The following UBA5 variants were observed in gnomAD, a reference collection of about 807,000 sequenced individuals.
UBA5 encodes the protein ubiquitin-like modifier-activating enzyme 5.
A neutral mutation model predicts 52.9 loss-of-function variants in UBA5; 28 were observed. That is an observed-to-expected ratio of 0.53 (90% confidence interval 0.39 to 0.73). The LOEUF (loss-of-function observed/expected upper bound fraction) is 0.73. UBA5 is among the 30% of genes least tolerant of loss of function. UBA5 has a pLI of 0.00. For missense variants in UBA5, 388 were observed against 492.7 expected (o/e 0.79, Z 2.01); for synonymous variants, 135 against 162.1 (o/e 0.83, Z 1.27).
At position 132,660,454 on chromosome 3, in the gene UBA5, C is replaced by G; in HGVS notation, c.-84C>G. 6.6e-7 allele frequency: 1 copy of G among 1,509,340 alleles called. No individual in the cohort carries two copies. The highest frequency in any genetic ancestry group is 1.4e-5 in the African/African-American group (1 of 72,464). 93.5% of individuals were successfully genotyped at this position (1,509,340 alleles called of 1,614,324 possible). A position where few individuals can be genotyped will look rare whatever the true frequency, so the allele number is the denominator to read the frequency against. Reference sequence around the variant, plus strand: ...AGCGGCGAGGTGCCTCCCCACGTACCCCTCGCGGGCCCAGCCGAGCAACGT... The same window carrying G: ...AGCGGCGAGGTGCCTCCCCACGTACGCCTCGCGGGCCCAGCCGAGCAACGT... On this transcript the variant is annotated 5_prime_UTR_variant, in exon 1 of 12. Transcript: ENST00000356232. The surrounding 1 kb of genome is among the most constrained non-coding windows in gnomAD (Gnocchi z 4.1).
intron 6 of UBA5, 54 bp from the exon 7 acceptor site, chr3:132,671,723 T>C: frequency 7.2e-7 from 1 of 1,393,438 alleles, no homozygotes; most frequent in Non-Finnish European, 1.0e-6. Context: ...TTATTGTAAA[T>C]TACTTCTTGC....
upstream of UBA5, chr3:132,659,323 G>A (rs934028823): frequency 9.5e-6 from 4 of 422,480 alleles, no homozygotes; most frequent in Non-Finnish European, 1.7e-5. Flanking sequence ...TAATTGCCTT[G>A]GTGAATCCTC....
chr3:132,677,680 A>C lies in UBA5; in HGVS notation c.*1154A>C, dbSNP rs1334939982. On this transcript the variant is annotated 3_prime_UTR_variant, in exon 12 of 12. Coordinates refer to ENST00000356232, the MANE Select transcript of UBA5 (RefSeq NM_024818.6). ...ATTTCCTATTTTGATTTTTACTTTG[A>C]AGATAGGAATATCTAAATTATATCT... 1 of 152,198 alleles carries C rather than the reference A, an allele frequency of 6.6e-6. No homozygotes were observed. Among genetic ancestry groups the C allele is most frequent in the African/African-American group, 2.4e-5 (1 of 41,462 alleles). The allele number at this position is 152,198 out of a possible 1,614,324, so 9.4% of individuals were successfully genotyped here.
chr3:132,654,589 T>C (rs572843566), exon 1 of UBA5: 1 of 152,338 alleles, frequency 6.6e-6, no homozygotes, highest in African/African-American at 2.4e-5. Context: ...GCCTGCAGAA[T>C]CTCTGCCCAT....
chr3:132,676,812 TG>T lies in UBA5; in HGVS notation c.*291del, dbSNP rs1339681607. On this transcript the variant is annotated 3_prime_UTR_variant, in exon 12 of 12. Transcript: ENST00000356232. This position sits in a 1 kb window ranked among gnomAD's most constrained non-coding sequence, Gnocchi z 4.1. ...GTTGAAATGTTTTGGCCTTTTGGAG[TG>T]GGGGAAGGACAAATCTGATCCTGTA... The T allele has an allele frequency of 2.9e-5, 14 of 487,460 alleles. No individual in the cohort carries two copies. In the Admixed American group the frequency reaches 3.2e-4, roughly 11 times the overall value. 30.2% of individuals were successfully genotyped at this position (487,460 alleles called of 1,614,324 possible). A position where few individuals can be genotyped will look rare whatever the true frequency, so the allele number is the denominator to read the frequency against.
Position 132,676,909 on chromosome 3 carries a change from T to C in UBA5, c.*383T>C. 2.2e-6 allele frequency: 1 copy of C among 456,556 alleles called. No individual in the cohort carries two copies. Among genetic ancestry groups the C allele is most frequent in the South Asian group, 1.6e-5 (1 of 64,480 alleles). 28.3% of individuals were successfully genotyped at this position (456,556 alleles called of 1,614,324 possible). ...TGGACAATAAAGTAGTATATGATCC[T>C]CAGATACAGGGAGAAGGACAAGGCA... On this transcript the variant is annotated 3_prime_UTR_variant, in exon 12 of 12. Coordinates refer to ENST00000356232, the MANE Select transcript of UBA5 (RefSeq NM_024818.6). The surrounding 1 kb of genome is among the most constrained non-coding windows in gnomAD (Gnocchi z 4.1).
upstream of UBA5, among the ~76,000 whole-genome samples, chr3:132,656,017 G>A (rs1445591398): frequency 1.3e-5 from 2 of 152,140 alleles, no homozygotes; most frequent in Non-Finnish European, 2.9e-5. Flanking sequence ...GAAAATTACT[G>A]TCTTTGAAAC....
rs1437270161 is a variant in UBA5 at position 132,678,838 on chromosome 3, C to T, written c.*2312C>T. Among the ~76,000 whole-genome samples, 2 of 151,638 alleles carry T rather than the reference C, an allele frequency of 1.3e-5. No homozygotes were observed. The highest frequency in any genetic ancestry group is 4.8e-5 in the African/African-American group (2 of 41,374). On this transcript the variant is annotated 3_prime_UTR_variant, in exon 12 of 12. Transcript: ENST00000356232. Reference sequence around the variant, plus strand: ...CTAATTTTTGTATTTTTAGTAGAGGCGAGGTTTCACCATGTTGGCCAGGCT... The same window carrying T: ...CTAATTTTTGTATTTTTAGTAGAGGTGAGGTTTCACCATGTTGGCCAGGCT...
At chr3:132,674,436 C>A (rs1938742667) in intron 8 of UBA5, among the ~76,000 whole-genome samples, 1 of 152,146 alleles carries the variant, frequency 6.6e-6, no homozygotes, top group Non-Finnish European at 1.5e-5. Context: ...GCCTGTAATC[C>A]CAACAATTTG....
upstream of UBA5, among the ~76,000 whole-genome samples, chr3:132,655,489 T>G (rs1576629279): frequency 1.3e-5 from 2 of 152,220 alleles, no homozygotes; most frequent in Non-Finnish European, 2.9e-5. Context: ...CTCAACACAC[T>G]GGGCACACAT....
chr3:132,672,056 C>G lies in UBA5; in HGVS notation c.691C>G (p.Pro231Ala). The G allele has an allele frequency of 1.9e-6, 3 of 1,613,434 alleles. No homozygotes were observed. The highest frequency in any genetic ancestry group is 2.5e-6 in the Non-Finnish European group (3 of 1,179,776). Residue 231 changes from proline to alanine, a missense_variant, in exon 8 of 12, where the codon CCA (proline) becomes GCA (alanine). Physicochemically the swap from Pro to Ala is conservative, Grantham distance 27. Transcript: ENST00000356232. ...TGTTTTATTTTTCATGTAGTGTGCT[C>G]CACCACTTGTAGTTGCTGCAAATAT... ...PGESACFACA[P>A]PLVVAANIDE...
At position 132,679,631 on chromosome 3, in the gene UBA5, T is replaced by C. The variant is rs1364325298; in HGVS notation, c.*3105T>C. On this transcript the variant is annotated 3_prime_UTR_variant, in exon 12 of 12. Coordinates refer to ENST00000356232, the MANE Select transcript of UBA5 (RefSeq NM_024818.6). The stretch of plus-strand genomic sequence containing the variant: ...AGGTACAAAGAATAAATAATATTCT[T>C]AAGGTAGTTTTTCCTTTTATCAGGG... Among the ~76,000 whole-genome samples the C allele has an allele frequency of 6.6e-6, 1 of 152,232 alleles. No individual in the cohort carries two copies. Among genetic ancestry groups the C allele is most frequent in the African/African-American group, 2.4e-5 (1 of 41,460 alleles).
At chr3:132,675,415 A>T (rs1938794760) in intron 9 of UBA5, 32 bp downstream of exon 9, 2 of 1,607,532 alleles carry the variant, frequency 1.2e-6, no homozygotes, top group African/African-American at 2.7e-5. Flanking sequence ...TGCATGAGGG[A>T]TCATATTGAA....
At chr3:132,667,041 T>G (rs552836829) in intron 3 of UBA5, among the ~76,000 whole-genome samples, 1 of 152,248 alleles carries the variant, frequency 6.6e-6, no homozygotes, top group Middle Eastern at 3.4e-3. Flanking sequence ...GACTTCATAA[T>G]TGACATTGCT....
At chr3:132,668,728 C>A in intron 3 of UBA5, 90 bp from the exon 4 acceptor site, 1 of 789,112 alleles carries the variant, frequency 1.3e-6, no homozygotes, top group Non-Finnish European at 2.0e-6. Context: ...AACTGCTAAA[C>A]TAATTAAATG....
chr3:132,656,054 T>A (rs987272238), upstream of UBA5, among the ~76,000 whole-genome samples: 2 of 152,222 alleles, frequency 1.3e-5, no homozygotes, highest in African/African-American at 4.8e-5. Flanking sequence ...CTTGAGTGAC[T>A]ACCATTCTGA....
intron 6 of UBA5, among the ~76,000 whole-genome samples, chr3:132,671,427 T>G (rs542023939): frequency 8.5e-5 from 13 of 152,266 alleles, no homozygotes; most frequent in Non-Finnish European, 8.8e-5. Context: ...CAAAAAAAAA[T>G]TATTTTCCTT....
At chr3:132,660,055 G>A (rs574255051), upstream of UBA5, 4 of 377,786 alleles carry the variant, frequency 1.1e-5, no homozygotes, top group South Asian at 2.2e-4. The surrounding 1 kb of genome is among the most constrained non-coding windows in gnomAD (Gnocchi z 4.1). Flanking sequence ...TTGCGGGTAA[G>A]GAACAACGCA....
upstream of UBA5, chr3:132,659,844 G>T (rs79473310): frequency 6.9e-7 from 1 of 1,442,906 alleles, no homozygotes. Flanking sequence ...TAGAGCATGG[G>T]CCGAGGCCGG....
Sources: allele counts gnomAD v4.1 joint callset (sites outside exome capture counted in the v4.1 genomes callset), GRCh38; gene constraint gnomAD v4.1.1; non-coding constraint Gnocchi (gnomAD v3.1); transcripts MANE v1.5; gene names NCBI Gene and HGNC (gene_info 2026-07-23, HGNC 2026-07-21).